The following PDK1 variants were observed in gnomAD, a reference collection of about 807,000 sequenced individuals.
PDK1 encodes the protein [Pyruvate dehydrogenase (acetyl-transferring)] kinase isozyme 1, mitochondrial.
A neutral mutation model predicts 54.2 loss-of-function variants in PDK1; 39 were observed. The ratio of observed to expected loss-of-function variants is 0.72; its 90% CI spans 0.56 to 0.94. PDK1 has a LOEUF of 0.94. Ranked by LOEUF, PDK1 falls within the 40% of genes least tolerant of loss-of-function variation. PDK1 has a pLI of 0.00. For missense variants in PDK1, 552 were observed against 566.0 expected (o/e 0.98, Z 0.25); for synonymous variants, 221 against 207.1 (o/e 1.07, Z -0.58).
At chr2:172,574,546 C>T (rs10186869) in intron 8 of PDK1, among the ~76,000 whole-genome samples, 24,807 of 152,166 alleles carry the variant, frequency 0.16, 2,341 homozygotes, top group African/African-American at 0.24. Flanking sequence ...TTCATGAATA[C>T]AAGATATCTT....
intron 8 of PDK1, among the ~76,000 whole-genome samples, chr2:172,584,394 G>T (rs1258305846): frequency 2.0e-5 from 3 of 148,964 alleles, no homozygotes; most frequent in Non-Finnish European, 4.5e-5. Context: ...TTTGTTGGTT[G>T]GTTTTTTTTG....
chr2:172,621,944 ATG>A, the PDK1 span, among the ~76,000 whole-genome samples: 3 of 149,366 alleles, frequency 2.0e-5, no homozygotes, highest in African/African-American at 7.3e-5. Context: ...TATCTCATAT[ATG>A]TGGTATATTT....
chr2:172,717,764 G>A, the PDK1 span, among the ~76,000 whole-genome samples: 1 of 152,134 alleles, frequency 6.6e-6, no homozygotes, highest in Non-Finnish European at 1.5e-5. Context: ...AGTTCTTGAT[G>A]GTGGTGTTTC....
At chr2:172,561,769 A>AG (rs1382498662) in intron 2 of PDK1, among the ~76,000 whole-genome samples, 1 of 152,246 alleles carries the variant, frequency 6.6e-6, no homozygotes, top group Non-Finnish European at 1.5e-5. Context: ...TAAATATGTA[A>AG]AATTAAGGTT....
chr2:172,626,075 T>C, the PDK1 span, among the ~76,000 whole-genome samples: 1 of 152,216 alleles, frequency 6.6e-6, no homozygotes, highest in African/African-American at 2.4e-5. Flanking sequence ...ATTTTTTTCT[T>C]TCCTTGGCTT....
chr2:172,719,665 G>T, the PDK1 span, among the ~76,000 whole-genome samples: 1 of 151,486 alleles, frequency 6.6e-6, no homozygotes, highest in South Asian at 2.1e-4. Flanking sequence ...TCCAATATAT[G>T]TTTATTTCCA....
At chr2:172,575,436 TG>T (rs1689525727) in intron 8 of PDK1, among the ~76,000 whole-genome samples, 1 of 152,218 alleles carries the variant, frequency 6.6e-6, no homozygotes, top group South Asian at 2.1e-4. Flanking sequence ...TGAAGACTTC[TG>T]GGCCTGAGCT....
rs545579504 is a variant in PDK1 at position 172,584,346 on chromosome 2, A to C, written c.946-1932A>C. On this transcript the variant is annotated intron_variant, in intron 8 of 10. Transcript: ENST00000282077. ...CCTTTTTATAATAGAATTTTTGCAG[A>C]GTATTATAAATGCTTCTTTGTAACT... 1.3e-3 allele frequency among the ~76,000 whole-genome samples: 199 copies of C among 151,748 alleles called. No individual in the cohort carries two copies. In the Middle Eastern group the frequency reaches 0.027, roughly 21 times the overall value.
the PDK1 span, among the ~76,000 whole-genome samples, chr2:172,699,903 C>T: frequency 1.3e-5 from 2 of 152,046 alleles, no homozygotes; most frequent in South Asian, 2.1e-4. Context: ...AGGGCCCTGC[C>T]GCCTTCCGAA....
the PDK1 span, chr2:172,674,616 A>G: frequency 6.6e-6 from 1 of 152,316 alleles, no homozygotes; most frequent in East Asian, 1.9e-4. Flanking sequence ...AGCACTGTGG[A>G]TGCAGGTTCC....
intron 3 of PDK1, chr2:172,563,923 T>C (rs1384036000): frequency 4.5e-6 from 2 of 442,704 alleles, no homozygotes; most frequent in Non-Finnish European, 9.3e-6. Context: ...ACTAGATGAT[T>C]TGAAGATTTG....
At chr2:172,656,043 C>T in the PDK1 span, among the ~76,000 whole-genome samples, 4 of 152,168 alleles carry the variant, frequency 2.6e-5, no homozygotes, top group Non-Finnish European at 5.9e-5. Context: ...CCTCCATAAA[C>T]ATCACCTTAT....
At chr2:172,636,641 A>C in the PDK1 span, among the ~76,000 whole-genome samples, 1 of 151,720 alleles carries the variant, frequency 6.6e-6, no homozygotes, top group Admixed American at 6.6e-5. Flanking sequence ...GAATCGCTTG[A>C]ACCTGGGAGG....
At chr2:172,571,868 G>A (rs1322951194) in intron 8 of PDK1, among the ~76,000 whole-genome samples, 1 of 99,628 alleles carries the variant, frequency 1.0e-5, no homozygotes, top group Non-Finnish European at 1.8e-5. Flanking sequence ...GTCTTGCTCT[G>A]TTGCCCCAGG....
the PDK1 span, among the ~76,000 whole-genome samples, chr2:172,623,857 G>A: frequency 1.3e-5 from 2 of 152,152 alleles, no homozygotes; most frequent in African/African-American, 2.4e-5. Context: ...GTTGCTCATT[G>A]GGCACTCCTA....
At chr2:172,717,151 A>G in the PDK1 span, among the ~76,000 whole-genome samples, 1 of 152,230 alleles carries the variant, frequency 6.6e-6, no homozygotes, top group Non-Finnish European at 1.5e-5. Context: ...CCAAGACTAC[A>G]TTATCAAAGA....
At chr2:172,709,820 T>C in the PDK1 span, among the ~76,000 whole-genome samples, 1 of 152,196 alleles carries the variant, frequency 6.6e-6, no homozygotes, top group African/African-American at 2.4e-5. Flanking sequence ...TGGGTCACGG[T>C]GCATCTGTTA....
intron 5 of PDK1, among the ~76,000 whole-genome samples, chr2:172,566,465 G>A (rs2149215764): frequency 6.6e-6 from 1 of 152,240 alleles, no homozygotes; most frequent in Middle Eastern, 3.4e-3. Context: ...GCTGAGGCAG[G>A]AGAATCGCTT....
rs2149303459 is a variant in PDK1, at chr2:172,596,001, G to A, written c.*32G>A. ...TTGGGACATCGGAAAATCCAAATGT[G>A]GCTTTTGTATTAAATTTGGAAGGTA... On this transcript the variant is annotated 3_prime_UTR_variant, in exon 11 of 11. Transcript: ENST00000282077. The A allele has an allele frequency of 6.4e-7, 1 of 1,572,208 alleles. No individual in the cohort carries two copies. The highest frequency in any genetic ancestry group is 8.7e-7 in the Non-Finnish European group (1 of 1,154,100).
Sources: gnomAD v4.1 joint callset for allele counts (sites outside exome capture counted in the v4.1 genomes callset) on GRCh38, gnomAD v4.1.1 for gene constraint, MANE v1.5 for transcripts, NCBI Gene and HGNC (gene_info 2026-07-23, HGNC 2026-07-21) for gene names.